The following KHDRBS3 variants were observed in gnomAD, a reference collection of about 807,000 sequenced individuals.
KHDRBS3 encodes KH RNA binding domain containing, signal transduction associated 3.
A neutral mutation model predicts 45.6 loss-of-function variants in KHDRBS3; 23 were observed. That is an observed-to-expected ratio of 0.50 (90% confidence interval 0.36 to 0.72). The LOEUF (loss-of-function observed/expected upper bound fraction) is 0.72. KHDRBS3 is among the 30% of genes least tolerant of loss of function. KHDRBS3 has a pLI of 0.00. For synonymous variants in KHDRBS3, 162 were observed against 156.5 expected, an observed-to-expected ratio of 1.04 and a Z score of -0.26; for missense variants, 352 against 424.8, an observed-to-expected ratio of 0.83 and a Z score of 1.51.
At chr8:135,550,199 C>T (rs372141757) in intron 4 of KHDRBS3, among the ~76,000 whole-genome samples, 4 of 152,126 alleles carry the variant, frequency 2.6e-5, no homozygotes, top group African/African-American at 7.2e-5. Flanking sequence ...GAAACAGATT[C>T]TCTTTTCCAA....
intron 1 of KHDRBS3, among the ~76,000 whole-genome samples, chr8:135,468,806 T>C (rs1484475146): frequency 1.3e-5 from 2 of 152,250 alleles, no homozygotes; most frequent in African/African-American, 4.8e-5. Flanking sequence ...GCTCTTTCTA[T>C]TGCAGACCTC....
intron 1 of KHDRBS3, among the ~76,000 whole-genome samples, chr8:135,477,735 AT>A (rs917704400): frequency 1.4e-4 from 22 of 152,218 alleles, no homozygotes; most frequent in African/African-American, 5.1e-4. Flanking sequence ...ATCCTGGATC[AT>A]TTGGGTGGAC....
Position 135,581,965 on chromosome 8 carries a change from G to A in KHDRBS3, c.699G>A (p.Gly233=). Reference sequence around the variant, plus strand: ...CCAGAGGAGTCCTGTCCACCCGAGGGCCAGTGAGTCGGGGAAGAGGACTTC... The same window carrying A: ...CCAGAGGAGTCCTGTCCACCCGAGGACCAGTGAGTCGGGGAAGAGGACTTC... ...PTPRGVLSTR[G]PVSRGRGLLT... Residue 233 remains glycine (G), a synonymous_variant, in exon 6 of 9, where the codon GGG becomes GGA. Coordinates refer to ENST00000355849, the MANE Select transcript of KHDRBS3 (RefSeq NM_006558.3). 6.2e-7 allele frequency: 1 copy of A among 1,613,534 alleles called. No homozygotes were observed. Among genetic ancestry groups the A allele is most frequent in the South Asian group, 1.1e-5 (1 of 90,948 alleles).
chr8:135,509,505 C>G (rs1824169368), intron 1 of KHDRBS3, among the ~76,000 whole-genome samples: 1 of 152,192 alleles, frequency 6.6e-6, no homozygotes, highest in South Asian at 2.1e-4. Context: ...ATCCCATCTT[C>G]AATTTCTACT....
At chr8:135,646,903 C>T in intron 8 of KHDRBS3, 90 bp from the exon 9 acceptor site, 1 of 744,632 alleles carries the variant, frequency 1.3e-6, no homozygotes, top group Non-Finnish European at 2.5e-6. Context: ...TGACATGTAC[C>T]TTTGGTTCAG....
At chr8:135,562,942 G>T (rs1827238786) in intron 5 of KHDRBS3, among the ~76,000 whole-genome samples, 1 of 152,084 alleles carries the variant, frequency 6.6e-6, no homozygotes, top group East Asian at 1.9e-4. Context: ...ATCTTCAATG[G>T]CATTCTTGTT....
At chr8:135,605,280 A>G (rs1829407156) in intron 6 of KHDRBS3, among the ~76,000 whole-genome samples, 1 of 151,948 alleles carries the variant, frequency 6.6e-6, no homozygotes, top group South Asian at 2.1e-4. Flanking sequence ...GTATTTTCAT[A>G]CATTTGATGC....
At chr8:135,609,925 G>A (rs1208254911) in intron 7 of KHDRBS3, among the ~76,000 whole-genome samples, 3 of 151,822 alleles carry the variant, frequency 2.0e-5, no homozygotes, top group Admixed American at 6.6e-5. Context: ...CAGATACTAT[G>A]CTAAATGCTT....
chr8:135,557,317 T>C (rs1444002478), intron 4 of KHDRBS3, 131 bp from the exon 5 acceptor site: 2 of 460,456 alleles, frequency 4.3e-6, no homozygotes, highest in African/African-American at 4.1e-5. Context: ...TTTAGCAAAT[T>C]TGTATTTTGT....
intron 6 of KHDRBS3, among the ~76,000 whole-genome samples, chr8:135,601,589 G>A (rs1195654088): frequency 6.6e-6 from 1 of 152,054 alleles, no homozygotes; most frequent in Non-Finnish European, 1.5e-5. Flanking sequence ...GTCACAATGG[G>A]GTCCTCTAGG....
In KHDRBS3 at chr8:135,457,871, A is replaced by AG. The variant is rs762901861; in HGVS notation, c.7dup (p.Glu3GlyfsTer40). Reference sequence around the variant, plus strand: ...CGGGCCCGGCGGCCGGCGAGCATGGAGGAGAAGTACCTGCCCGAGCTGATG... The same window carrying AG: ...CGGGCCCGGCGGCCGGCGAGCATGGAGGGAGAAGTACCTGCCCGAGCTGATG... On this transcript the variant is annotated frameshift_variant, in exon 1 of 9. Coordinates refer to ENST00000355849, the MANE Select transcript of KHDRBS3 (RefSeq NM_006558.3). LOFTEE classifies it high-confidence loss of function. This position sits in a 1 kb window ranked among gnomAD's most constrained non-coding sequence, Gnocchi z 4.4. The AG allele has an allele frequency of 6.3e-7, 1 of 1,584,128 alleles. No individual in the cohort carries two copies. Among genetic ancestry groups the AG allele is most frequent in the African/African-American group, 1.4e-5 (1 of 72,100 alleles).
At chr8:135,541,654 C>T (rs1005800096) in intron 2 of KHDRBS3, 4 of 152,140 alleles carry the variant, frequency 2.6e-5, no homozygotes, top group African/African-American at 9.7e-5. Flanking sequence ...GAAGTGGCTG[C>T]TATGTGAGTT....
chr8:135,655,701 GGCCATTTCTCT>G (rs1214072734), intron 4 of KHDRBS3, among the ~76,000 whole-genome samples: 3 of 151,658 alleles, frequency 2.0e-5, no homozygotes, highest in Non-Finnish European at 4.4e-5. Context: ...TCACCACAAT[GGCCATTTCTCT>G]GCTGCGATTG....
chr8:135,602,003 A>C (rs902858882), intron 6 of KHDRBS3, among the ~76,000 whole-genome samples: 1 of 152,210 alleles, frequency 6.6e-6, no homozygotes, highest in African/African-American at 2.4e-5. Context: ...CCCAGTCCTC[A>C]GATAAAAAAA....
chr8:135,501,232 T>C (rs1057037203), intron 1 of KHDRBS3, among the ~76,000 whole-genome samples: 1 of 152,204 alleles, frequency 6.6e-6, no homozygotes, highest in Non-Finnish European at 1.5e-5. Context: ...AATTCTGAGC[T>C]CTTTTTCTTT....
intron 7 of KHDRBS3, among the ~76,000 whole-genome samples, chr8:135,632,225 C>T (rs1259750738): frequency 6.6e-6 from 1 of 152,180 alleles, no homozygotes; most frequent in Admixed American, 6.5e-5. Context: ...TCAGTGACCT[C>T]CTCTGAGCAC....
chr8:135,568,981 A>G (rs1319268554), intron 5 of KHDRBS3, among the ~76,000 whole-genome samples: 1 of 152,078 alleles, frequency 6.6e-6, no homozygotes, highest in African/African-American at 2.4e-5. Context: ...TTGACTTCAC[A>G]TTTTTTAAAT....
At chr8:135,628,805 T>G (rs1452085237) in intron 7 of KHDRBS3, among the ~76,000 whole-genome samples, 1 of 152,196 alleles carries the variant, frequency 6.6e-6, no homozygotes, top group Non-Finnish European at 1.5e-5. Context: ...ACTCAAGCTT[T>G]GTGGAGAATA....
chr8:135,589,527 G>C (rs1429978938), intron 6 of KHDRBS3, among the ~76,000 whole-genome samples: 1 of 152,090 alleles, frequency 6.6e-6, no homozygotes. Context: ...CCGAGCTCTT[G>C]GCTCCCTTTG....
Sources: allele counts gnomAD v4.1 joint callset (sites outside exome capture counted in the v4.1 genomes callset), GRCh38; gene constraint gnomAD v4.1.1; non-coding constraint Gnocchi (gnomAD v3.1); transcripts MANE v1.5; gene names NCBI Gene and HGNC (gene_info 2026-07-23, HGNC 2026-07-21).